Variants in NFIA observed in about 807,000 individuals in gnomAD.
The protein encoded by NFIA is nuclear factor 1 A-type.
In NFIA, 8 loss-of-function variants were observed where a neutral mutation model predicts 62.8. That is an observed-to-expected ratio of 0.13 (90% confidence interval 0.07 to 0.23). The LOEUF (loss-of-function observed/expected upper bound fraction) is 0.23, where lower values mean the gene tolerates loss of function less well. Among genes scored for constraint, NFIA ranks in the 10% least tolerant of loss-of-function variants. NFIA has a pLI of 1.00. For missense variants in NFIA, 410 were observed against 642.1 expected (o/e 0.64, Z 3.91); for synonymous variants, 235 against 238.1 (o/e 0.99, Z 0.12).
In NFIA at chr1:61,428,414, T is replaced by C. The variant is rs147935355; in HGVS notation, c.1512+1858T>C. Among the ~76,000 whole-genome samples the C allele has an allele frequency of 5.0e-3, 720 of 143,040 alleles. 5 individuals are homozygous for C. Among genetic ancestry groups the C allele is most frequent in the African/African-American group, 0.017 (678 of 39,098 alleles). The allele number at this position is 143,040 out of a possible 152,430, so 93.8% of individuals were successfully genotyped here. A position where few individuals can be genotyped will look rare whatever the true frequency, so the allele number is the denominator to read the frequency against. ...TTTTTTTTTTTTGGTTTCTGTTAAA[T>C]ATTTGGCGTCATGGGGACAACAGCT... On this transcript the variant is annotated intron_variant, in intron 10 of 10. Transcript: ENST00000403491.
intron 9 of NFIA, among the ~76,000 whole-genome samples, chr1:61,418,236 G>C (rs1433166290): frequency 6.6e-6 from 1 of 152,190 alleles, no homozygotes; most frequent in Non-Finnish European, 1.5e-5. Flanking sequence ...GGCTGAGACA[G>C]GAAGATGGCT....
chr1:61,350,005 G>A (rs1662463693), intron 4 of NFIA, among the ~76,000 whole-genome samples: 1 of 152,100 alleles, frequency 6.6e-6, no homozygotes. Context: ...AAATGCCCCA[G>A]TGGACTCTCT....
At chr1:61,229,302 G>T (rs370728639) in intron 2 of NFIA, among the ~76,000 whole-genome samples, 1 of 151,818 alleles carries the variant, frequency 6.6e-6, no homozygotes, top group Non-Finnish European at 1.5e-5. Context: ...AATATAACCC[G>T]CAAATTACTC....
intron 1 of NFIA, among the ~76,000 whole-genome samples, chr1:61,083,450 C>T (rs1186767092): frequency 6.6e-6 from 1 of 152,094 alleles, no homozygotes; most frequent in African/African-American, 2.4e-5. Flanking sequence ...GCGGAAAGGA[C>T]GCGGGCTCCC....
intron 2 of NFIA, among the ~76,000 whole-genome samples, chr1:61,157,773 C>A (rs945884590): frequency 6.6e-6 from 1 of 152,158 alleles, no homozygotes; most frequent in Non-Finnish European, 1.5e-5. Context: ...CTGCTGACCA[C>A]AAAAAGGAAG....
At chr1:61,140,052 C>T (rs1360983070) in intron 2 of NFIA, among the ~76,000 whole-genome samples, 2 of 152,108 alleles carry the variant, frequency 1.3e-5, no homozygotes, top group African/African-American at 2.4e-5. Context: ...AGAGGAATAT[C>T]CAAAGAGTTA....
intron 2 of NFIA, among the ~76,000 whole-genome samples, chr1:61,209,423 G>T (rs1365973509): frequency 6.6e-6 from 1 of 151,998 alleles, no homozygotes; most frequent in Non-Finnish European, 1.5e-5. Flanking sequence ...TATAATCTCT[G>T]TGAGGGCAGG....
chr1:61,211,912 G>T (rs1653287696), intron 2 of NFIA, among the ~76,000 whole-genome samples: 1 of 152,156 alleles, frequency 6.6e-6, no homozygotes. Context: ...GCCCAGGCTG[G>T]TCTCGAACTT....
chr1:61,198,609 C>G lies in NFIA; in HGVS notation c.560-78911C>G, dbSNP rs550276037. 3.9e-5 allele frequency among the ~76,000 whole-genome samples: 6 copies of G among 152,318 alleles called. 1 individual carries two copies. The highest frequency in any genetic ancestry group is 6.8e-3 in the Middle Eastern group (2 of 294). ...TTCCTTTTCATTCGTTCTTCACTCT[C>G]TATCTGAATTGCAGTCGTGGTCCTC... is the stretch of plus-strand genomic sequence containing the variant. On this transcript the variant is annotated intron_variant, in intron 2 of 10. Transcript: ENST00000403491.
chr1:61,258,905 G>A (rs1255787479), intron 2 of NFIA, among the ~76,000 whole-genome samples: 1 of 151,816 alleles, frequency 6.6e-6, no homozygotes, highest in Non-Finnish European at 1.5e-5. Context: ...TTTTTTTGTA[G>A]AGACGGGGTT....
intron 3 of NFIA, among the ~76,000 whole-genome samples, chr1:61,319,635 A>G (rs1013833040): frequency 1.3e-5 from 2 of 152,134 alleles, no homozygotes; most frequent in African/African-American, 4.8e-5. Flanking sequence ...AGAGAACTCT[A>G]TAACTTAAAG....
chr1:61,110,550 TTC>T (rs1646678567), intron 2 of NFIA, among the ~76,000 whole-genome samples: 1 of 152,086 alleles, frequency 6.6e-6, no homozygotes, highest in South Asian at 2.1e-4. Flanking sequence ...TTGAGTCATA[TTC>T]TCTGGATTTT....
At position 61,458,054 on chromosome 1, in the gene NFIA, T is replaced by A. The variant is rs1668381631; in HGVS notation, c.*2734T>A. ...ATTTTCATATGTGTCTGATAAGTGG[T>A]TGAATAGTCGTTTGGCGCTGTTGTA... On this transcript the variant is annotated 3_prime_UTR_variant, in exon 11 of 11. Coordinates refer to ENST00000403491, the MANE Select transcript of NFIA (RefSeq NM_001134673.4). The A allele has an allele frequency of 2.0e-5, 3 of 151,768 alleles. No individual in the cohort carries two copies. Among genetic ancestry groups the A allele is most frequent in the African/African-American group, 4.8e-5 (2 of 41,322 alleles). The allele number at this position is 151,768 out of a possible 1,614,324, so 9.4% of individuals were successfully genotyped here. A position where few individuals can be genotyped will look rare whatever the true frequency, so the allele number is the denominator to read the frequency against.
chr1:61,083,159 G>GT (rs1392646773), intron 1 of NFIA, among the ~76,000 whole-genome samples: 1 of 152,156 alleles, frequency 6.6e-6, no homozygotes, highest in Non-Finnish European at 1.5e-5. Flanking sequence ...CCCCGCACGT[G>GT]TTTCGGCGGG....
At chr1:61,156,649 G>A (rs575282697) in intron 2 of NFIA, among the ~76,000 whole-genome samples, 31 of 152,282 alleles carry the variant, frequency 2.0e-4, no homozygotes, top group South Asian at 6.2e-4. Context: ...TAGTTCTGTC[G>A]AAAGAGACCT....
intron 2 of NFIA, among the ~76,000 whole-genome samples, chr1:61,160,299 AG>A (rs1214391762): frequency 1.3e-5 from 2 of 152,246 alleles, no homozygotes; most frequent in East Asian, 3.8e-4. Context: ...CTAGAAATGC[AG>A]GTTAGATTCC....
chr1:61,398,526 AC>A (rs1665397220), intron 7 of NFIA, among the ~76,000 whole-genome samples: 1 of 152,226 alleles, frequency 6.6e-6, no homozygotes, highest in Non-Finnish European at 1.5e-5. Flanking sequence ...TAGCAGTAAT[AC>A]AAAAACACTG....
At chr1:61,285,687 A>G (rs2100295479) in intron 3 of NFIA, among the ~76,000 whole-genome samples, 1 of 152,144 alleles carries the variant, frequency 6.6e-6, no homozygotes, top group South Asian at 2.1e-4. Flanking sequence ...AGGGGGCACT[A>G]TTTGCTGCAG....
At chr1:61,307,240 C>G (rs1659850652) in intron 3 of NFIA, among the ~76,000 whole-genome samples, 1 of 152,076 alleles carries the variant, frequency 6.6e-6, no homozygotes, top group Non-Finnish European at 1.5e-5. Context: ...TTTTGGGAGA[C>G]TAGGTCATGA....
Sources: gnomAD v4.1 joint callset for allele counts (sites outside exome capture counted in the v4.1 genomes callset) on GRCh38, gnomAD v4.1.1 for gene constraint, MANE v1.5 for transcripts, NCBI Gene and HGNC (gene_info 2026-07-23, HGNC 2026-07-21) for gene names.